The following LIX1L variants were observed in gnomAD, a reference collection of about 807,000 sequenced individuals.
LIX1L encodes LIX1-like protein.
In LIX1L, 20 loss-of-function variants were observed where a neutral mutation model predicts 34.0. The observed-to-expected ratio is 0.59, with a 90% CI of 0.41 to 0.85. The LOEUF is 0.85. Among genes scored for constraint, LIX1L ranks in the 40% least tolerant of loss-of-function variants. The pLI is 0.00. For missense variants in LIX1L, 397 were observed against 447.0 expected (o/e 0.89, Z 1.01); for synonymous variants, 170 against 187.4 (o/e 0.91, Z 0.76).
rs782213938 is a variant in LIX1L at position 145,936,460 on chromosome 1, C to T, written c.864G>A (p.Pro288=). The change falls in exon 6 of 6, where the codon CCG becomes CCA. Residue 288 remains proline (P), a synonymous_variant. Transcript: ENST00000604000. ...AGGCCAGCTCTCTAGACAGTGCCCC[C>T]GGCACACTCTGCTCCCGGCTCACCC... ...LDWVSREQSV[P]GALSRELAST... 30 of 1,614,026 alleles carry T rather than the reference C, an allele frequency of 1.9e-5. No individual in the cohort carries two copies. The highest frequency in any genetic ancestry group is 8.9e-5 in the East Asian group (4 of 44,884).
At chr1:145,945,664 G>A (rs182841447) in intron 2 of LIX1L, among the ~76,000 whole-genome samples, 30 of 150,534 alleles carry the variant, frequency 2.0e-4, no homozygotes, top group African/African-American at 7.1e-4. Context: ...AGGGAGAATC[G>A]CTTCAACCCG....
intron 1 of LIX1L, chr1:145,950,129 C>T (rs1649240332): frequency 6.6e-6 from 1 of 152,286 alleles, no homozygotes; most frequent in Admixed American, 6.5e-5. Context: ...CCACGTCTGG[C>T]CTCTCCTCTT....
chr1:145,937,417 C>T (rs1648701735), intron 4 of LIX1L, 187 bp downstream of exon 4: 1 of 452,904 alleles, frequency 2.2e-6, no homozygotes, highest in Admixed American at 3.9e-5. Flanking sequence ...CCTCAGCCTC[C>T]CAAAGTGCTG....
At chr1:145,936,735 G>T in intron 5 of LIX1L, 173 bp downstream of exon 5, 1 of 824,130 alleles carries the variant, frequency 1.2e-6, no homozygotes, top group South Asian at 1.7e-5. Flanking sequence ...AAGAATCACA[G>T]CTAATATTTA....
intron 2 of LIX1L, among the ~76,000 whole-genome samples, chr1:145,946,254 C>T (rs1430724274): frequency 5.4e-5 from 8 of 149,006 alleles, no homozygotes; most frequent in African/African-American, 1.2e-4. Flanking sequence ...GCTAGAGTGC[C>T]GTGGTGCAAT....
At position 145,942,779 on chromosome 1, in the gene LIX1L, A is replaced by G. The variant is rs1553758841; in HGVS notation, c.531T>C (p.His177=). Residue 177 remains histidine (H), a synonymous_variant, in exon 3 of 6, where the codon CAT becomes CAC. Coordinates refer to ENST00000604000, the MANE Select transcript of LIX1L (RefSeq NM_153713.3). Reference sequence around the variant, plus strand: ...ACTCATCAGTGATTCTTCGGGAAGGATGTTCATTAAACACAGAATTCATTA... The same window carrying G: ...ACTCATCAGTGATTCTTCGGGAAGGGTGTTCATTAAACACAGAATTCATTA... The part of the protein sequence containing the change: ...IALMNSVFNE[H]PSRRITDEFI... 6.2e-7 allele frequency: 1 copy of G among 1,614,106 alleles called. No homozygotes were observed.
At chr1:145,953,867 A>T (rs1307397599) in intron 1 of LIX1L, among the ~76,000 whole-genome samples, 2 of 152,230 alleles carry the variant, frequency 1.3e-5, no homozygotes, top group Admixed American at 6.5e-5. Flanking sequence ...CAGCCTGGGC[A>T]ACACTGTGGG....
chr1:145,957,866 A>C lies in LIX1L; in HGVS notation c.62T>G (p.Leu21Arg), dbSNP rs1361003774. Reference sequence around the variant, plus strand: ...AGTCACTCCGGGCCGCAGCGCTCGGAGAGTGCCCCTCCCGCTGGTGCCCAC... The same window carrying C: ...AGTCACTCCGGGCCGCAGCGCTCGGCGAGTGCCCCTCCCGCTGGTGCCCAC... The part of the protein sequence containing the change: ...PGVGTSGRGT[L>R]RALRPGVTGA... Residue 21 changes from leucine (L) to arginine (R), a missense_variant, in exon 1 of 6, where the codon CTC becomes CGC. Physicochemically the swap from Leu to Arg is moderately radical, Grantham distance 102 (BLOSUM62 -2). Transcript: ENST00000604000. The C allele has an allele frequency of 2.7e-6, 4 of 1,466,266 alleles. No individual in the cohort carries two copies. The African/African-American group carries it at 5.8e-5, about 21-fold the overall frequency. 90.8% of individuals were successfully genotyped at this position (1,466,266 alleles called of 1,614,324 possible).
chr1:145,945,917 C>G (rs587731189), intron 2 of LIX1L, among the ~76,000 whole-genome samples: 1 of 138,580 alleles, frequency 7.2e-6, no homozygotes, highest in African/African-American at 2.7e-5. Context: ...GAAACCCTGT[C>G]TCTACTAAAA....
At chr1:145,942,649 G>C (rs1373067839) in intron 3 of LIX1L, 64 bp downstream of exon 3, 4 of 1,479,766 alleles carry the variant, frequency 2.7e-6, no homozygotes, top group Non-Finnish European at 3.8e-6. Flanking sequence ...AGTAATTTAC[G>C]ACTTCCCAAG....
chr1:145,938,935 A>C (rs1476366505), intron 3 of LIX1L, among the ~76,000 whole-genome samples: 1 of 152,002 alleles, frequency 6.6e-6, no homozygotes, highest in African/African-American at 2.4e-5. Context: ...AGATGATTTA[A>C]AGCATTTATT....
chr1:145,956,526 T>C (rs1241132080), intron 1 of LIX1L, among the ~76,000 whole-genome samples: 1 of 152,086 alleles, frequency 6.6e-6, no homozygotes, highest in African/African-American at 2.4e-5. Flanking sequence ...GTGACAAAGA[T>C]CTCCAAAGCC....
At chr1:145,945,965 G>A (rs1170114895) in intron 2 of LIX1L, among the ~76,000 whole-genome samples, 9 of 149,594 alleles carry the variant, frequency 6.0e-5, no homozygotes, top group South Asian at 2.1e-4. Context: ...TTAGCTAGGC[G>A]TGGTGGCATG....
At chr1:145,938,688 A>G (rs1648763862) in intron 3 of LIX1L, among the ~76,000 whole-genome samples, 1 of 151,998 alleles carries the variant, frequency 6.6e-6, no homozygotes, top group Non-Finnish European at 1.5e-5. Flanking sequence ...CCTGGGTTCA[A>G]GTGATTCTCC....
rs782340736 is a variant in LIX1L, at chr1:145,947,641, C to T, written c.434G>A (p.Gly145Glu). The T allele has an allele frequency of 3.7e-6, 6 of 1,614,016 alleles. No homozygotes were observed. The highest frequency in any genetic ancestry group is 5.1e-6 in the Non-Finnish European group (6 of 1,179,924). The change falls in exon 2 of 6, where the codon GGA becomes GAA. Residue 145 changes from glycine to glutamate, a missense_variant. Gly to Glu is a moderately conservative substitution (Grantham distance 98). Around this residue, in one of 3 missense-constraint regions of LIX1L, gnomAD observed 207 missense variants for 205.2 expected, o/e 1.01. Coordinates refer to ENST00000604000, the MANE Select transcript of LIX1L (RefSeq NM_153713.3). ...TACCTGGAAACTCCCAAAGCAGCTT[C>T]CCCCAGGCAGGGTGACATAGCAGAC... The part of the protein sequence containing the change: ...PYVCYVTLPG[G>E]SCFGSFQFCP...
intron 1 of LIX1L, among the ~76,000 whole-genome samples, chr1:145,953,724 T>C (rs933474336): frequency 2.6e-4 from 39 of 152,184 alleles, no homozygotes; most frequent in Admixed American, 1.4e-3. Flanking sequence ...CTAGATTATA[T>C]AGGTGGGCCC....
chr1:145,938,502 G>C (rs1648756154), intron 3 of LIX1L, among the ~76,000 whole-genome samples: 1 of 152,046 alleles, frequency 6.6e-6, no homozygotes. Flanking sequence ...TTCCTCTTCT[G>C]TAAGATGGGA....
In LIX1L at chr1:145,934,582, A is replaced by AAC. The variant is rs1648557261; in HGVS notation, c.*1727_*1728insGT. ...GAGCGAGACTCCGTCTCAAAAAAAAAAAAAACACACAAATAGTTTGGGAGG... is the reference window on the plus strand; with the variant it reads ...GAGCGAGACTCCGTCTCAAAAAAAAAACAAAAACACACAAATAGTTTGGGAGG... On this transcript the variant is annotated 3_prime_UTR_variant, in exon 6 of 6. Transcript: ENST00000604000. 2 of 139,808 alleles carry AAC rather than the reference A, an allele frequency of 1.4e-5. No individual in the cohort carries two copies. The highest frequency in any genetic ancestry group is 7.3e-5 in the Admixed American group (1 of 13,746). 8.7% of individuals were successfully genotyped at this position (139,808 alleles called of 1,614,324 possible).
In LIX1L at chr1:145,936,457, C is replaced by T. The variant is rs1357294725; in HGVS notation, c.867G>A (p.Gly289=). 1.9e-6 allele frequency: 3 copies of T among 1,614,012 alleles called. No individual in the cohort carries two copies. In the African/African-American group the frequency reaches 4.0e-5, roughly 22 times the overall value. Residue 289 remains glycine, a synonymous_variant, in exon 6 of 6, where the codon GGG becomes GGA. Coordinates refer to ENST00000604000, the MANE Select transcript of LIX1L (RefSeq NM_153713.3). ...TAGAGGCCAGCTCTCTAGACAGTGC[C>T]CCCGGCACACTCTGCTCCCGGCTCA... ...DWVSREQSVP[G]ALSRELASTE...
Sources: allele counts gnomAD v4.1 joint callset (sites outside exome capture counted in the v4.1 genomes callset), GRCh38; gene constraint gnomAD v4.1.1; regional missense constraint gnomAD v4.1.1; transcripts MANE v1.5; gene names NCBI Gene and HGNC (gene_info 2026-07-23, HGNC 2026-07-21).